COMMD1: variants seen among roughly 807,000 people sequenced by gnomAD.
COMMD1 encodes the protein copper metabolism domain containing 1, also known as COMM domain-containing protein 1.
COMMD1 carries 10 observed loss-of-function variants against 17.2 expected under a neutral mutation model. The ratio of observed to expected loss-of-function variants is 0.58; its 90% CI spans 0.36 to 0.99. COMMD1 has a LOEUF of 0.99. Among genes scored for constraint, COMMD1 ranks in the 50% least tolerant of loss-of-function variants. COMMD1 has a pLI of 0.01. For synonymous variants in COMMD1, 97 were observed against 91.6 expected (o/e 1.06, Z -0.34); for missense variants, 270 against 231.8 (o/e 1.17, Z -1.07).
At chr2:61,916,495 C>G (rs1323586598) in intron 1 of COMMD1, among the ~76,000 whole-genome samples, 2 of 152,248 alleles carry the variant, frequency 1.3e-5, no homozygotes, top group East Asian at 3.9e-4. Flanking sequence ...GATCATAGCT[C>G]ACTGCAGCCT....
chr2:61,970,738 A>G (rs923919245), intron 1 of COMMD1, among the ~76,000 whole-genome samples: 1 of 152,194 alleles, frequency 6.6e-6, no homozygotes, highest in African/African-American at 2.4e-5. Context: ...CTTTCTTGGA[A>G]AAATTGGATT....
intron 1 of COMMD1, among the ~76,000 whole-genome samples, chr2:61,928,475 A>G (rs961054886): frequency 6.6e-6 from 1 of 152,104 alleles, no homozygotes; most frequent in Non-Finnish European, 1.5e-5. Context: ...GAGCTATTTA[A>G]TATCTATTTT....
intron 1 of COMMD1, among the ~76,000 whole-genome samples, chr2:61,899,973 G>C (rs1250383355): frequency 6.6e-6 from 1 of 152,102 alleles, no homozygotes; most frequent in African/African-American, 2.4e-5. Context: ...CGCCCAGCCT[G>C]TATTTTCACT....
chr2:62,127,038 C>CA (rs1232322112), intron 2 of COMMD1, among the ~76,000 whole-genome samples: 7 of 152,130 alleles, frequency 4.6e-5, no homozygotes, highest in Non-Finnish European at 1.0e-4. Flanking sequence ...TCTCAGGATA[C>CA]AAAATCAGTG....
chr2:61,919,231 C>T (rs1035549687), intron 1 of COMMD1, among the ~76,000 whole-genome samples: 3 of 152,234 alleles, frequency 2.0e-5, no homozygotes, highest in South Asian at 2.1e-4. Flanking sequence ...AGGCTGGTCT[C>T]GAACTCCCAA....
intron 2 of COMMD1, among the ~76,000 whole-genome samples, chr2:62,012,611 C>T (rs1324818801): frequency 1.3e-5 from 2 of 152,112 alleles, no homozygotes; most frequent in Non-Finnish European, 2.9e-5. Context: ...AGCCACCGCA[C>T]CCGGCCCCTT....
At chr2:62,013,341 G>A (rs1669341446) in intron 2 of COMMD1, among the ~76,000 whole-genome samples, 1 of 152,026 alleles carries the variant, frequency 6.6e-6, no homozygotes, top group Non-Finnish European at 1.5e-5. Flanking sequence ...GAAATGAATG[G>A]AGCCAATATT....
intron 2 of COMMD1, among the ~76,000 whole-genome samples, chr2:62,016,206 CTTTTTT>C (rs769583167): frequency 8.9e-6 from 1 of 112,262 alleles, no homozygotes; most frequent in Non-Finnish European, 1.8e-5. Context: ...CTTTTCTTTT[CTTTTTT>C]TTTTTTTTTT....
chr2:62,075,426 C>T (rs747278358), intron 2 of COMMD1, among the ~76,000 whole-genome samples: 4 of 152,170 alleles, frequency 2.6e-5, no homozygotes, highest in African/African-American at 4.8e-5. Context: ...CATCCTGCAA[C>T]TTGATCTTTA....
At chr2:61,987,298 C>A (rs1219203351) in intron 1 of COMMD1, among the ~76,000 whole-genome samples, 1 of 152,128 alleles carries the variant, frequency 6.6e-6, no homozygotes, top group Non-Finnish European at 1.5e-5. Flanking sequence ...ATAGTCTTCA[C>A]CATCTAGTAC....
chr2:62,075,779 G>A (rs1408035332), intron 2 of COMMD1, among the ~76,000 whole-genome samples: 1 of 152,162 alleles, frequency 6.6e-6, no homozygotes, highest in East Asian at 1.9e-4. Context: ...ACAACTTCTT[G>A]CTCAGTATAG....
chr2:62,096,526 T>G (rs999357683), intron 2 of COMMD1, among the ~76,000 whole-genome samples: 1 of 152,132 alleles, frequency 6.6e-6, no homozygotes, highest in Non-Finnish European at 1.5e-5. Context: ...GTTGTTTTTT[T>G]CCCCCCTCTT....
At chr2:61,965,325 A>G (rs903866080) in intron 1 of COMMD1, among the ~76,000 whole-genome samples, 2 of 152,204 alleles carry the variant, frequency 1.3e-5, no homozygotes, top group Non-Finnish European at 2.9e-5. Context: ...TAATTTCAAG[A>G]TGGCAATTTC....
chr2:61,917,272 G>A (rs1385671548), intron 1 of COMMD1, among the ~76,000 whole-genome samples: 2 of 151,524 alleles, frequency 1.3e-5, no homozygotes, highest in Non-Finnish European at 2.9e-5. Context: ...CAGGAGAATC[G>A]CTTGAACCCG....
chr2:62,055,336 A>G (rs1670663197), intron 2 of COMMD1: 2 of 423,676 alleles, frequency 4.7e-6, no homozygotes, highest in Non-Finnish European at 9.3e-6. Flanking sequence ...TTATTTGAAA[A>G]GGGGGAAAGA....
chr2:62,020,338 G>A (rs1669578077), intron 2 of COMMD1, among the ~76,000 whole-genome samples: 1 of 152,166 alleles, frequency 6.6e-6, no homozygotes. Context: ...TACAGGTCTG[G>A]AAATAATTCA....
At chr2:62,039,338 A>G (rs949024223) in intron 2 of COMMD1, among the ~76,000 whole-genome samples, 1 of 152,242 alleles carries the variant, frequency 6.6e-6, no homozygotes, top group Non-Finnish European at 1.5e-5. Context: ...TTATTCAGAA[A>G]AGTCCTGGCA....
intron 1 of COMMD1, among the ~76,000 whole-genome samples, chr2:61,900,350 A>G (rs754908470): frequency 1.3e-5 from 2 of 152,262 alleles, no homozygotes; most frequent in Non-Finnish European, 1.5e-5. Flanking sequence ...TAAAGTCATA[A>G]GGCTCTGTCT....
chr2:62,065,220 T>C (rs1379732250), intron 2 of COMMD1, among the ~76,000 whole-genome samples: 2 of 151,918 alleles, frequency 1.3e-5, no homozygotes, highest in African/African-American at 4.8e-5. Context: ...AAGTAGGCGA[T>C]GAAGCTTGAA....
Sources: gnomAD v4.1 joint callset for allele counts (sites outside exome capture counted in the v4.1 genomes callset) on GRCh38, gnomAD v4.1.1 for gene constraint, MANE v1.5 for transcripts, NCBI Gene and HGNC (gene_info 2026-07-23, HGNC 2026-07-21) for gene names.